The following LACC1 variants were observed in gnomAD, a reference collection of about 807,000 sequenced individuals.
LACC1 encodes laccase domain multifunctional purine nucleosidase 1, also known as purine nucleoside phosphorylase LACC1.
A neutral mutation model predicts 34.8 loss-of-function variants in LACC1; 25 were observed. The observed-to-expected ratio is 0.72, with a 90% confidence interval of 0.52 to 1.00. The LOEUF (loss-of-function observed/expected upper bound fraction) is 1.00. Ranked by LOEUF, LACC1 falls within the 50% of genes least tolerant of loss-of-function variation. The probability of loss-of-function intolerance (pLI) is 0.00; values close to 1 mark genes in which losing one functional copy is unlikely to be tolerated. For synonymous variants in LACC1, 162 were observed against 168.0 expected, an observed-to-expected ratio of 0.96 and a Z score of 0.28; for missense variants, 426 against 511.2, an observed-to-expected ratio of 0.83 and a Z score of 1.61.
chr13:43,884,871 T>A (rs1955242096), intron 4 of LACC1, among the ~76,000 whole-genome samples: 1 of 152,186 alleles, frequency 6.6e-6, no homozygotes, highest in Non-Finnish European at 1.5e-5. Flanking sequence ...AAAATTTGAG[T>A]CTTGGCTCCT....
At chr13:43,889,906 C>T (rs776295495) in intron 5 of LACC1, 8 of 521,646 alleles carry the variant, frequency 1.5e-5, no homozygotes, top group East Asian at 6.1e-5. Context: ...TTGTACTGTG[C>T]ATATATGAAC....
At chr13:43,885,615 G>T (rs1307057037) in intron 4 of LACC1, among the ~76,000 whole-genome samples, 1 of 151,880 alleles carries the variant, frequency 6.6e-6, no homozygotes, top group Admixed American at 6.6e-5. Context: ...CTCAACATGG[G>T]TTAAAGACTT....
chr13:43,891,482 G>A lies in LACC1; in HGVS notation c.*35G>A. The A allele has an allele frequency of 1.0e-6, 1 of 984,706 alleles. No individual in the cohort carries two copies. The highest frequency in any genetic ancestry group is 1.2e-6 in the Non-Finnish European group (1 of 829,186). The allele number at this position is 984,706 out of a possible 1,614,324, so 61.0% of individuals were successfully genotyped here. ...CTGGATTTTTGTATAACTGCTTCCT[G>A]CCTCCTTCCAAACTGACTGCAAGAG... is the stretch of plus-strand genomic sequence containing the variant. On this transcript the variant is annotated 3_prime_UTR_variant, in exon 7 of 7. Transcript: ENST00000325686.
rs1594905371 is a variant in LACC1, at chr13:43,892,167, C to T, written c.*720C>T. 3 of 139,658 alleles carry T rather than the reference C, an allele frequency of 2.1e-5. 1 individual carries two copies. The Middle Eastern group carries it at 0.012, about 546-fold the overall frequency. 8.7% of individuals were successfully genotyped at this position (139,658 alleles called of 1,614,324 possible). ...AAGAGCTTGCAGTTTATTTTCCAGGCAATGAGTAGGCAGCCAAAAAAAAAA... is the reference window on the plus strand; with the variant it reads ...AAGAGCTTGCAGTTTATTTTCCAGGTAATGAGTAGGCAGCCAAAAAAAAAA... On this transcript the variant is annotated 3_prime_UTR_variant, in exon 7 of 7. Coordinates refer to ENST00000325686, the MANE Select transcript of LACC1 (RefSeq NM_153218.4).
intron 5 of LACC1, 134 bp downstream of exon 5, chr13:43,889,116 A>G (rs942570231): frequency 7.8e-6 from 5 of 643,234 alleles, no homozygotes; most frequent in Non-Finnish European, 1.1e-5. Flanking sequence ...ATGCACATGT[A>G]CACAAACACT....
intron 6 of LACC1, 37 bp downstream of exon 6, chr13:43,890,311 C>G: frequency 6.5e-7 from 1 of 1,540,298 alleles, no homozygotes; most frequent in African/African-American, 1.4e-5. Context: ...CGTTTTTCCT[C>G]TCTTTCATCC....
In LACC1 at chr13:43,891,707, C is replaced by A; in HGVS notation, c.*260C>A. 1 of 279,166 alleles carries A rather than the reference C, an allele frequency of 3.6e-6. No individual in the cohort carries two copies. The highest frequency in any genetic ancestry group is 5.4e-6 in the Non-Finnish European group (1 of 184,274). The allele number at this position is 279,166 out of a possible 1,614,324, so 17.3% of individuals were successfully genotyped here. ...AAGTTTGTTCTCCCTGTTTATTACA[C>A]AGATCAGGAATAGATTTGTTCAGTT... On this transcript the variant is annotated 3_prime_UTR_variant, in exon 7 of 7. Coordinates refer to ENST00000325686, the MANE Select transcript of LACC1 (RefSeq NM_153218.4).
In LACC1 at chr13:43,882,272, A is replaced by C; in HGVS notation, c.650A>C (p.Lys217Thr). The stretch of plus-strand genomic sequence containing the variant: ...TCATTCAATCTCTTCAGTAGTTCCA[A>C]ACGGAGAGATCCCAAGGTAGTGGTT... ...LSSFNLFSSS[K>T]RRDPKVVVQE... The change falls in exon 3 of 7, where the codon AAA becomes ACA. Residue 217 changes from lysine (K) to threonine (T), a missense_variant. By Grantham distance (78) the Lys-to-Thr change is moderately conservative (BLOSUM62 -1). This residue lies in a region of LACC1 where 209 missense variants were observed against 300.3 expected (regional missense o/e 0.70). Coordinates refer to ENST00000325686, the MANE Select transcript of LACC1 (RefSeq NM_153218.4). 1 of 1,613,926 alleles carries C rather than the reference A, an allele frequency of 6.2e-7. No individual in the cohort carries two copies. Among genetic ancestry groups the C allele is most frequent in the Non-Finnish European group, 8.5e-7 (1 of 1,179,882 alleles).
At position 43,892,203 on chromosome 13, in the gene LACC1, G is replaced by T. The variant is rs1171583573; in HGVS notation, c.*756G>T. On this transcript the variant is annotated 3_prime_UTR_variant, in exon 7 of 7. Coordinates refer to ENST00000325686, the MANE Select transcript of LACC1 (RefSeq NM_153218.4). Reference sequence around the variant, plus strand: ...CAGCCAAAAAAAAAAAAGTAAGGATGTTTTTTTTTTTTTTCCCATGGCATC... The same window carrying T: ...CAGCCAAAAAAAAAAAAGTAAGGATTTTTTTTTTTTTTTTCCCATGGCATC... The T allele has an allele frequency of 7.1e-6, 1 of 141,300 alleles. No individual in the cohort carries two copies. The allele number at this position is 141,300 out of a possible 1,614,324, so 8.8% of individuals were successfully genotyped here.
At position 43,880,138 on chromosome 13, in the gene LACC1, T is replaced by A. The variant is rs553123388; in HGVS notation, c.-35+19T>A. The A allele has an allele frequency of 2.6e-5, 4 of 152,030 alleles. No individual in the cohort carries two copies. The South Asian group carries it at 6.3e-4, about 24-fold the overall frequency. 9.4% of individuals were successfully genotyped at this position (152,030 alleles called of 1,614,324 possible). On this transcript the variant is annotated intron_variant, in intron 1 of 6. Coordinates refer to ENST00000325686, the MANE Select transcript of LACC1 (RefSeq NM_153218.4). ...GAGGCGGGTAGGAGGAACAGGGACC[T>A]GGCGGCGACACACGTTGGGCGGAAA...
At position 43,881,313 on chromosome 13, in the gene LACC1, C is replaced by G; in HGVS notation, c.328C>G (p.His110Asp). 1 of 1,613,854 alleles carries G rather than the reference C, an allele frequency of 6.2e-7. No individual in the cohort carries two copies. Among genetic ancestry groups the G allele is most frequent in the Middle Eastern group, 1.6e-4 (1 of 6,062 alleles). The change falls in exon 2 of 7, where the codon CAC (histidine) becomes GAC (aspartate). Residue 110 changes from histidine to aspartate, a missense_variant. Around this residue, in one of 2 missense-constraint regions of LACC1, gnomAD observed 217 missense variants for 210.9 expected, o/e 1.03. Coordinates refer to ENST00000325686, the MANE Select transcript of LACC1 (RefSeq NM_153218.4). ...CAGCATTAAGGTAATTGTACCCAGG[C>G]ACAGGAAGACATTAATGAAAGCTTT... is the stretch of plus-strand genomic sequence containing the variant. ...LSSIKVIVPRHRKTLMKAFID... is the reference protein window; with the variant it reads ...LSSIKVIVPRDRKTLMKAFID...
chr13:43,890,043 CT>C (rs891227225), intron 5 of LACC1, 70 bp from the exon 6 acceptor site: 50 of 1,357,712 alleles, frequency 3.7e-5, no homozygotes, highest in Non-Finnish European at 4.6e-5. Flanking sequence ...AACATCCATA[CT>C]TTTTTTCATA....
Position 43,890,043 on chromosome 13 carries a change from C to T in LACC1, c.1134-71C>T, listed in dbSNP as rs560547131. The T allele has an allele frequency of 1.3e-3, 1,730 of 1,357,820 alleles. 2 individuals carry two copies. Among genetic ancestry groups the T allele is most frequent in the Non-Finnish European group, 1.5e-3 (1,521 of 989,372 alleles). 84.1% of individuals were successfully genotyped at this position (1,357,820 alleles called of 1,614,324 possible). A position where few individuals can be genotyped will look rare whatever the true frequency, so the allele number is the denominator to read the frequency against. On this transcript the variant is annotated intron_variant, in intron 5 of 6. Transcript: ENST00000325686. ...GAACTTTTTCATGCCAACATCCATACTTTTTTTCATATTGCTTTGGCTATT... is the reference window on the plus strand; with the variant it reads ...GAACTTTTTCATGCCAACATCCATATTTTTTTTCATATTGCTTTGGCTATT...
At position 43,891,999 on chromosome 13, in the gene LACC1, A is replaced by T. The variant is rs1009081934; in HGVS notation, c.*552A>T. ...GGTTTTTGACAAATGAAGAACAACC[A>T]TAACAGGTAGAGGGAACACCATGAA... On this transcript the variant is annotated 3_prime_UTR_variant, in exon 7 of 7. Transcript: ENST00000325686. 1 of 152,062 alleles carries T rather than the reference A, an allele frequency of 6.6e-6. No individual in the cohort carries two copies. Among genetic ancestry groups the T allele is most frequent in the African/African-American group, 2.4e-5 (1 of 41,378 alleles). 9.4% of individuals were successfully genotyped at this position (152,062 alleles called of 1,614,324 possible).
At chr13:43,890,407 A>G in intron 6 of LACC1, 133 bp downstream of exon 6, 1 of 680,608 alleles carries the variant, frequency 1.5e-6, no homozygotes, top group Non-Finnish European at 2.3e-6. Flanking sequence ...TAATTATGTT[A>G]AACTTTACTC....
chr13:43,886,721 C>A (rs1211732156), intron 4 of LACC1, among the ~76,000 whole-genome samples: 2 of 152,040 alleles, frequency 1.3e-5, no homozygotes, highest in African/African-American at 2.4e-5. Flanking sequence ...ACCCATGTAA[C>A]AAACCTGCAT....
chr13:43,881,565 T>C lies in LACC1; in HGVS notation c.562+18T>C. The C allele has an allele frequency of 6.5e-7, 1 of 1,537,054 alleles. No homozygotes were observed. The highest frequency in any genetic ancestry group is 8.8e-7 in the Non-Finnish European group (1 of 1,138,982). ...GATCCCAGGTATATTAACCACTAAC[T>C]GTTGTTTTTACTTTGTACATGGAAA... On this transcript the variant is annotated intron_variant, in intron 2 of 6. Coordinates refer to ENST00000325686, the MANE Select transcript of LACC1 (RefSeq NM_153218.4).
At chr13:43,888,633 T>C in intron 4 of LACC1, 124 bp from the exon 5 acceptor site, 2 of 734,080 alleles carry the variant, frequency 2.7e-6, no homozygotes, top group Non-Finnish European at 4.6e-6. Context: ...GATAATGTAA[T>C]TTATTATTTC....
chr13:43,888,190 G>A (rs929038461), intron 4 of LACC1, among the ~76,000 whole-genome samples: 4 of 152,086 alleles, frequency 2.6e-5, no homozygotes, highest in Non-Finnish European at 4.4e-5. Context: ...AAATCAGTCA[G>A]TCACAAAAAG....
Sources: gnomAD v4.1 joint callset for allele counts (sites outside exome capture counted in the v4.1 genomes callset) on GRCh38, gnomAD v4.1.1 for gene constraint, gnomAD v4.1.1 regional missense constraint, MANE v1.5 for transcripts, NCBI Gene and HGNC (gene_info 2026-07-23, HGNC 2026-07-21) for gene names.